The following SUPT3H variants were observed in gnomAD, a reference collection of about 807,000 sequenced individuals.
SUPT3H encodes the protein transcription initiation protein SPT3 homolog.
In SUPT3H, 44 loss-of-function variants were observed where a neutral mutation model predicts 44.3. The observed-to-expected ratio is 0.99, with a 90% CI of 0.78 to 1.28. The LOEUF (loss-of-function observed/expected upper bound fraction) is 1.28. Ranked by LOEUF, SUPT3H falls within the 50% of genes most tolerant of loss-of-function variation. The pLI is 0.00. For synonymous variants in SUPT3H, 124 were observed against 125.6 expected, an observed-to-expected ratio of 0.99 and a Z score of 0.09; for missense variants, 380 against 387.1, an observed-to-expected ratio of 0.98 and a Z score of 0.15.
chr6:45,317,337 G>GA (rs567963781), intron 2 of SUPT3H, among the ~76,000 whole-genome samples: 17 of 145,906 alleles, frequency 1.2e-4, no homozygotes, highest in African/African-American at 3.8e-4. Context: ...CACAGAAACA[G>GA]AAAAAAAATC....
intron 10 of SUPT3H, among the ~76,000 whole-genome samples, chr6:44,919,176 G>A (rs570226130): frequency 2.6e-5 from 4 of 152,246 alleles, no homozygotes; most frequent in East Asian, 1.9e-4. Flanking sequence ...TTCAGGGGGC[G>A]TGGAAGAGCA....
chr6:45,275,367 C>T (rs1776844272), intron 2 of SUPT3H, among the ~76,000 whole-genome samples: 2 of 152,018 alleles, frequency 1.3e-5, no homozygotes, highest in African/African-American at 2.4e-5. Flanking sequence ...TTTTACTTTA[C>T]CATTTTTTTA....
chr6:44,990,865 T>A (rs1679469962), intron 6 of SUPT3H, among the ~76,000 whole-genome samples: 1 of 147,908 alleles, frequency 6.8e-6, no homozygotes, highest in Non-Finnish European at 1.5e-5. Context: ...TAAAATAAAT[T>A]TATTATTTTA....
intron 9 of SUPT3H, among the ~76,000 whole-genome samples, chr6:44,942,933 T>A (rs984479781): frequency 6.6e-6 from 1 of 151,994 alleles, no homozygotes; most frequent in African/African-American, 2.4e-5. Flanking sequence ...AACAATATAT[T>A]CACAGGAATA....
chr6:44,967,512 G>A (rs1408196878), intron 6 of SUPT3H, among the ~76,000 whole-genome samples: 5 of 152,184 alleles, frequency 3.3e-5, no homozygotes, highest in Non-Finnish European at 2.9e-5. Context: ...GAAGTTGATT[G>A]TGCCTTTGAA....
At chr6:44,929,061 C>T (rs1770116888) in intron 10 of SUPT3H, among the ~76,000 whole-genome samples, 1 of 151,674 alleles carries the variant, frequency 6.6e-6, no homozygotes, top group Non-Finnish European at 1.5e-5. Context: ...TGCCATTCTC[C>T]CTGTGTACTT....
chr6:45,053,019 G>T (rs1790545482), intron 3 of SUPT3H, among the ~76,000 whole-genome samples: 1 of 151,978 alleles, frequency 6.6e-6, no homozygotes, highest in African/African-American at 2.4e-5. Context: ...GGAGAGTTGA[G>T]AATAATTTCT....
intron 10 of SUPT3H, among the ~76,000 whole-genome samples, chr6:44,878,839 T>G (rs1055731639): frequency 1.3e-5 from 2 of 152,096 alleles, no homozygotes; most frequent in Non-Finnish European, 2.9e-5. Flanking sequence ...ACTCCCTCCC[T>G]TAGCCAAGGG....
At chr6:45,306,505 C>T (rs1338181456) in intron 2 of SUPT3H, among the ~76,000 whole-genome samples, 6 of 152,158 alleles carry the variant, frequency 3.9e-5, no homozygotes, top group African/African-American at 7.2e-5. Flanking sequence ...CAACAAGCGC[C>T]CTCATAAGGT....
chr6:45,146,609 C>T (rs1467589762), intron 2 of SUPT3H, among the ~76,000 whole-genome samples: 1 of 152,138 alleles, frequency 6.6e-6, no homozygotes, highest in Non-Finnish European at 1.5e-5. Flanking sequence ...TTGTTTCTTA[C>T]TCATCTTTAA....
At chr6:45,018,146 T>A (rs1212328395) in intron 4 of SUPT3H, among the ~76,000 whole-genome samples, 1 of 151,872 alleles carries the variant, frequency 6.6e-6, no homozygotes, top group Non-Finnish European at 1.5e-5. Flanking sequence ...GGCTCTCTGT[T>A]TGTCTGTTAT....
chr6:44,964,313 A>G (rs544783748), intron 6 of SUPT3H, among the ~76,000 whole-genome samples: 4 of 151,924 alleles, frequency 2.6e-5, no homozygotes, highest in Admixed American at 6.5e-5. Context: ...GCTGCTCTCC[A>G]GCTTGGTAGC....
chr6:45,352,675 T>A (rs1792305264), intron 2 of SUPT3H, among the ~76,000 whole-genome samples: 1 of 152,154 alleles, frequency 6.6e-6, no homozygotes, highest in South Asian at 2.1e-4. Flanking sequence ...TAGTATTCTG[T>A]TTATAAGTAG....
chr6:45,243,306 C>A (rs1770735154), intron 2 of SUPT3H, among the ~76,000 whole-genome samples: 1 of 149,688 alleles, frequency 6.7e-6, no homozygotes, highest in South Asian at 2.1e-4. Context: ...AAGAAAACTT[C>A]TATAGCATAA....
chr6:44,814,661 T>C (rs1766782239), intron 11 of SUPT3H, among the ~76,000 whole-genome samples: 1 of 152,122 alleles, frequency 6.6e-6, no homozygotes, highest in Admixed American at 6.5e-5. Flanking sequence ...AGTGTTATAG[T>C]CTCAAAATTT....
At chr6:44,958,051 C>T (rs754684963) in intron 7 of SUPT3H, among the ~76,000 whole-genome samples, 1 of 152,158 alleles carries the variant, frequency 6.6e-6, no homozygotes, top group Non-Finnish European at 1.5e-5. Context: ...TCAGAATAAA[C>T]AAGTTCCTTC....
At chr6:45,059,978 CATAG>C (rs1791729389) in intron 3 of SUPT3H, among the ~76,000 whole-genome samples, 1 of 152,066 alleles carries the variant, frequency 6.6e-6, no homozygotes, top group Non-Finnish European at 1.5e-5. Context: ...ATTCCATGCT[CATAG>C]ATAGGAAGAA....
At chr6:45,339,692 T>C (rs1284957700) in intron 2 of SUPT3H, among the ~76,000 whole-genome samples, 1 of 152,144 alleles carries the variant, frequency 6.6e-6, no homozygotes, top group African/African-American at 2.4e-5. Context: ...AAATAGCTAT[T>C]CTAAGTACAT....
chr6:45,003,862 T>C (rs1782349837), intron 5 of SUPT3H, 70 bp from the exon 6 acceptor site: 7 of 1,520,040 alleles, frequency 4.6e-6, no homozygotes, highest in East Asian at 2.3e-5. Flanking sequence ...AATTATTACA[T>C]GTATTAAATA....
Sources: allele counts gnomAD v4.1 joint callset (sites outside exome capture counted in the v4.1 genomes callset), GRCh38; gene constraint gnomAD v4.1.1; transcripts MANE v1.5; gene names NCBI Gene and HGNC (gene_info 2026-07-23, HGNC 2026-07-21).